ZSWIM5: variants seen among roughly 807,000 people sequenced by gnomAD.
ZSWIM5 encodes zinc finger SWIM domain-containing protein 5.
A neutral mutation model predicts 119.6 loss-of-function variants in ZSWIM5; 55 were observed. The ratio of observed to expected loss-of-function variants is 0.46; its 90% confidence interval spans 0.37 to 0.58. The LOEUF (loss-of-function observed/expected upper bound fraction) is 0.58, where lower values mean the gene tolerates loss of function less well. ZSWIM5 is among the 20% of genes least tolerant of loss of function. The probability of loss-of-function intolerance (pLI) is 0.00; values close to 1 mark genes in which losing one functional copy is unlikely to be tolerated. For synonymous variants in ZSWIM5, 537 were observed against 606.9 expected, an observed-to-expected ratio of 0.88 and a Z score of 1.69; for missense variants, 1,193 against 1,512.8, an observed-to-expected ratio of 0.79 and a Z score of 3.51.
At chr1:45,194,668 G>A (rs1646111621) in intron 1 of ZSWIM5, among the ~76,000 whole-genome samples, 2 of 152,090 alleles carry the variant, frequency 1.3e-5, no homozygotes, top group Non-Finnish European at 2.9e-5. Context: ...ACGAGGTCAG[G>A]AGATCGAGAC....
chr1:45,036,371 T>C, intron 8 of ZSWIM5, 72 bp from the exon 9 acceptor site: 1 of 1,263,256 alleles, frequency 7.9e-7, no homozygotes, highest in Non-Finnish European at 1.1e-6. Flanking sequence ...TTTTTTTTTT[T>C]TGAGACAGAG....
chr1:45,063,253 C>G (rs903454439), intron 2 of ZSWIM5, among the ~76,000 whole-genome samples: 1 of 152,234 alleles, frequency 6.6e-6, no homozygotes, highest in African/African-American at 2.4e-5. Flanking sequence ...GATTCCACGT[C>G]TTTGCTATTG....
At position 45,038,950 on chromosome 1, in the gene ZSWIM5, T is replaced by A; in HGVS notation, c.1880A>T (p.Tyr627Phe). The A allele has an allele frequency of 6.2e-7, 1 of 1,613,758 alleles. No homozygotes were observed. Among genetic ancestry groups the A allele is most frequent in the Non-Finnish European group, 8.5e-7 (1 of 1,180,004 alleles). ...TEACRLNDDG[Y>F]LEMSDMNESR... ...GACCCCTGTACCTGACATCTCCAGA[T>A]AGCCATCATCATTCAGGCGGCAGGC... The change falls in exon 8 of 14, where the codon TAT (tyrosine) becomes TTT (phenylalanine). Residue 627 changes from tyrosine to phenylalanine, a missense_variant. Tyr to Phe is a conservative substitution (Grantham distance 22, BLOSUM62 3). Transcript: ENST00000359600.
intron 11 of ZSWIM5, among the ~76,000 whole-genome samples, chr1:45,032,193 T>C (rs1353214850): frequency 6.6e-6 from 1 of 152,148 alleles, no homozygotes; most frequent in Non-Finnish European, 1.5e-5. Flanking sequence ...AGTGTCATGA[T>C]GGTAGCTTAC....
rs568190439 is a variant in ZSWIM5 at position 45,181,252 on chromosome 1, G to C, written c.595+24504C>G. Among the ~76,000 whole-genome samples the C allele has an allele frequency of 3.3e-5, 5 of 152,240 alleles. No individual in the cohort carries two copies. The South Asian group carries it at 1.0e-3, about 32-fold the overall frequency. On this transcript the variant is annotated intron_variant, in intron 1 of 13. Coordinates refer to ENST00000359600, the MANE Select transcript of ZSWIM5 (RefSeq NM_020883.2). ...AGAAGTGCTTAAAGGAGCTGATGGA[G>C]CTGAAAGCCAAGGCTCAAGAACTAC...
intron 1 of ZSWIM5, among the ~76,000 whole-genome samples, chr1:45,168,202 T>C (rs1645920117): frequency 6.6e-6 from 1 of 151,986 alleles, no homozygotes; most frequent in African/African-American, 2.4e-5. Flanking sequence ...GAAACCATCA[T>C]TCTGAGCAAA....
intron 1 of ZSWIM5, among the ~76,000 whole-genome samples, chr1:45,187,745 T>C (rs1646067943): frequency 6.6e-6 from 1 of 151,920 alleles, no homozygotes; most frequent in African/African-American, 2.4e-5. Context: ...CTGTCACAAC[T>C]TAAGAATAAA....
chr1:45,064,942 C>T (rs1174309767), intron 2 of ZSWIM5, among the ~76,000 whole-genome samples: 2 of 152,124 alleles, frequency 1.3e-5, no homozygotes, highest in African/African-American at 4.8e-5. Context: ...GAAGCTGTAA[C>T]TGATGGTGTA....
At chr1:45,060,404 C>T (rs1028788797) in intron 2 of ZSWIM5, among the ~76,000 whole-genome samples, 157 bp from the exon 3 acceptor site, 1 of 152,092 alleles carries the variant, frequency 6.6e-6, no homozygotes, top group African/African-American at 2.4e-5. Flanking sequence ...TAAATAAATA[C>T]ATAAAATTAA....
chr1:45,035,856 T>A (rs1341197913), intron 9 of ZSWIM5, 33 bp from the exon 10 acceptor site: 21 of 1,608,442 alleles, frequency 1.3e-5, no homozygotes, highest in Non-Finnish European at 1.7e-5. Flanking sequence ...GTTATTTATC[T>A]GTATGCTTCC....
rs1355161354 is a variant in ZSWIM5, at chr1:45,018,196, T to C, written c.*258A>G. ...TCAGGACACGCAGGATATAGGGGCATGAGGTGGCATGTTGTGGGGTTTCTG... is the reference window on the plus strand; with the variant it reads ...TCAGGACACGCAGGATATAGGGGCACGAGGTGGCATGTTGTGGGGTTTCTG... On this transcript the variant is annotated 3_prime_UTR_variant, in exon 14 of 14. Transcript: ENST00000359600. This position sits in a 1 kb window ranked among gnomAD's most constrained non-coding sequence, Gnocchi z 6.7. 1 of 539,368 alleles carries C rather than the reference T, an allele frequency of 1.9e-6. No homozygotes were observed. Among genetic ancestry groups the C allele is most frequent in the East Asian group, 3.3e-5 (1 of 30,756 alleles). 33.4% of individuals were successfully genotyped at this position (539,368 alleles called of 1,614,324 possible).
rs933263892 is a variant in ZSWIM5, at chr1:45,034,245, C to A, written c.2449+67G>T. On this transcript the variant is annotated intron_variant, in intron 11 of 13. Transcript: ENST00000359600. ...CTTTCTCAGGAGACTGCAGGCCAAG[C>A]CTTTGACATGCCATGGTTGGGCAGG... 5.3e-6 allele frequency: 8 copies of A among 1,498,970 alleles called. No individual in the cohort carries two copies. In the Admixed American group the frequency reaches 8.6e-5, roughly 16 times the overall value. 92.9% of individuals were successfully genotyped at this position (1,498,970 alleles called of 1,614,324 possible).
chr1:45,077,107 C>T (rs1260373586), intron 2 of ZSWIM5, among the ~76,000 whole-genome samples: 3 of 151,924 alleles, frequency 2.0e-5, no homozygotes, highest in African/African-American at 7.3e-5. Context: ...TTCCTGGTAC[C>T]TTTAGTTCAT....
At chr1:45,151,174 T>C (rs1381654196) in intron 1 of ZSWIM5, among the ~76,000 whole-genome samples, 1 of 152,108 alleles carries the variant, frequency 6.6e-6, no homozygotes, top group Non-Finnish European at 1.5e-5. Flanking sequence ...TTCTCTGCCT[T>C]ATTTTTCACC....
chr1:45,035,272 T>C (rs1266415856), intron 10 of ZSWIM5, among the ~76,000 whole-genome samples: 1 of 152,166 alleles, frequency 6.6e-6, no homozygotes, highest in Admixed American at 6.5e-5. Flanking sequence ...AGCTCATTGT[T>C]CTCAAGTCTT....
chr1:45,035,919 G>T, intron 9 of ZSWIM5, 96 bp from the exon 10 acceptor site: 4 of 1,576,892 alleles, frequency 2.5e-6, no homozygotes, highest in Non-Finnish European at 3.4e-6. Flanking sequence ...TGCTAATCAT[G>T]GGAACCTTCA....
At position 45,195,238 on chromosome 1, in the gene ZSWIM5, TG is replaced by T. The variant is rs532210185; in HGVS notation, c.595+10517del. ...ATCATACTAAAAAATTTAAAGTTTT[TG>T]TTTTTTTGTTTTTGAGACAGGGTCT... On this transcript the variant is annotated intron_variant, in intron 1 of 13. Coordinates refer to ENST00000359600, the MANE Select transcript of ZSWIM5 (RefSeq NM_020883.2). Among the ~76,000 whole-genome samples the T allele has an allele frequency of 3.3e-5, 5 of 152,306 alleles. No homozygotes were observed. In the South Asian group the frequency reaches 8.3e-4, roughly 25 times the overall value.
At position 45,205,913 on chromosome 1, in the gene ZSWIM5, G is replaced by T. The variant is rs1374540317; in HGVS notation, c.438C>A (p.Ala146=). Reference sequence around the variant, plus strand: ...CCCCGGGGGCGGAGCCGGCCGGAGCGGCGGCCCCGGGGGGTGGCTGCGGCC... The same window carrying T: ...CCCCGGGGGCGGAGCCGGCCGGAGCTGCGGCCCCGGGGGGTGGCTGCGGCC... ...EEGPQPPPGA[A]APAGSAPGGV... The change falls in exon 1 of 14, where the codon GCC becomes GCA. Residue 146 remains alanine, a synonymous_variant. Transcript: ENST00000359600. 8.5e-6 allele frequency: 9 copies of T among 1,061,088 alleles called. No individual in the cohort carries two copies. The highest frequency in any genetic ancestry group is 1.0e-5 in the Non-Finnish European group (9 of 880,584). 65.7% of individuals were successfully genotyped at this position (1,061,088 alleles called of 1,614,324 possible).
At chr1:45,086,619 C>T (rs371937279) in intron 2 of ZSWIM5, among the ~76,000 whole-genome samples, 5 of 151,906 alleles carry the variant, frequency 3.3e-5, no homozygotes, top group African/African-American at 1.2e-4. Context: ...AACATCACAC[C>T]CCGGGGGCTG....
Sources: allele counts gnomAD v4.1 joint callset (sites outside exome capture counted in the v4.1 genomes callset), GRCh38; gene constraint gnomAD v4.1.1; non-coding constraint Gnocchi (gnomAD v3.1); transcripts MANE v1.5; gene names NCBI Gene and HGNC (gene_info 2026-07-23, HGNC 2026-07-21).